The following DMRT1 variants were observed in gnomAD, a reference collection of about 807,000 sequenced individuals.
DMRT1 encodes the protein doublesex and mab-3 related transcription factor 1.
Under a neutral mutation model 32.3 loss-of-function variants are expected in DMRT1, and 7 were observed. The ratio of observed to expected loss-of-function variants is 0.22; its 90% confidence interval spans 0.12 to 0.41. The LOEUF (loss-of-function observed/expected upper bound fraction) is 0.41, where lower values mean the gene tolerates loss of function less well. Ranked by LOEUF, DMRT1 falls within the 10% of genes least tolerant of loss-of-function variation. The pLI is 1.00. For synonymous variants in DMRT1, 278 were observed against 206.1 expected (o/e 1.35, Z -2.99); for missense variants, 625 against 500.5 (o/e 1.25, Z -2.37).
intron 2 of DMRT1, among the ~76,000 whole-genome samples, chr9:850,114 C>G (rs4740933): frequency 0.21 from 32,250 of 152,128 alleles, 3,711 homozygotes; most frequent in Middle Eastern, 0.31. Context: ...CCACCACGCC[C>G]AGCTGACAAT....
chr9:911,469 CATTTTTTTTTTTTTT>C (rs1817978733), intron 3 of DMRT1, among the ~76,000 whole-genome samples: 1 of 68,960 alleles, frequency 1.5e-5, no homozygotes, highest in African/African-American at 4.5e-5. Flanking sequence ...GGGTTAATTG[CATTTTTTTTTTTTTT>C]TTTTTTTTTT....
At chr9:959,888 T>G (rs893700167) in intron 4 of DMRT1, among the ~76,000 whole-genome samples, 1 of 152,230 alleles carries the variant, frequency 6.6e-6, no homozygotes, top group African/African-American at 2.4e-5. Context: ...TAGTCCTGTT[T>G]TATGGTTGCA....
chr9:890,975 C>G (rs965969044), intron 2 of DMRT1, among the ~76,000 whole-genome samples: 2 of 151,366 alleles, frequency 1.3e-5, no homozygotes, highest in African/African-American at 4.9e-5. Context: ...AATGATCAGA[C>G]CTACCTCAGC....
In DMRT1 at chr9:894,126, C is replaced by T. The variant is rs1564230356; in HGVS notation, c.753C>T (p.Ser251=). ...AGGTGGGAAATCCCCTCGGGGGATC[C>T]CCTGTGAAGAACAGCCTTCGGGGCC... ...SGEVGNPLGG[S]PVKNSLRGLP... is the part of the protein sequence containing the mutation. Residue 251 remains serine, a synonymous_variant, in exon 3 of 5, where the codon TCC becomes TCT. Transcript: ENST00000382276. The T allele has an allele frequency of 5.0e-6, 8 of 1,614,236 alleles. No individual in the cohort carries two copies. In the Admixed American group the frequency reaches 6.7e-5, roughly 13 times the overall value.
At chr9:921,803 C>T (rs1047394678) in intron 4 of DMRT1, among the ~76,000 whole-genome samples, 1 of 152,162 alleles carries the variant, frequency 6.6e-6, no homozygotes, top group Non-Finnish European at 1.5e-5. Flanking sequence ...ACCACTAGAG[C>T]CCAGGCTGCA....
chr9:966,070 T>C (rs1227879181), intron 4 of DMRT1, among the ~76,000 whole-genome samples: 1 of 152,200 alleles, frequency 6.6e-6, no homozygotes, highest in African/African-American at 2.4e-5. Flanking sequence ...GCTCTCCAGA[T>C]CTGTATAGTA....
chr9:883,296 C>G (rs1314744128), intron 2 of DMRT1, among the ~76,000 whole-genome samples: 1 of 151,878 alleles, frequency 6.6e-6, no homozygotes, highest in Non-Finnish European at 1.5e-5. Flanking sequence ...AAAATCTCTT[C>G]CTGGGAGAAA....
At chr9:952,974 C>G (rs1348293329) in intron 4 of DMRT1, among the ~76,000 whole-genome samples, 1 of 152,030 alleles carries the variant, frequency 6.6e-6, no homozygotes, top group Non-Finnish European at 1.5e-5. Flanking sequence ...ATTCTCATAG[C>G]CTATAGACTT....
At chr9:878,200 G>GA (rs149257815) in intron 2 of DMRT1, among the ~76,000 whole-genome samples, 2 of 94,034 alleles carry the variant, frequency 2.1e-5, no homozygotes, top group South Asian at 4.4e-4. Context: ...TGCAGCTGCT[G>GA]CCCCCCCCCC....
At chr9:943,622 A>G (rs1212863479) in intron 4 of DMRT1, among the ~76,000 whole-genome samples, 1 of 152,224 alleles carries the variant, frequency 6.6e-6, no homozygotes, top group Non-Finnish European at 1.5e-5. Flanking sequence ...TCTGAAGGTC[A>G]TGGGGATGGT....
chr9:844,773 T>G (rs1285158771), intron 1 of DMRT1, among the ~76,000 whole-genome samples: 2 of 150,074 alleles, frequency 1.3e-5, no homozygotes, highest in African/African-American at 4.9e-5. Flanking sequence ...CAGGCTGTAG[T>G]GCAGTGGCAT....
chr9:891,962 G>A (rs1279692930), intron 2 of DMRT1, among the ~76,000 whole-genome samples: 1 of 152,228 alleles, frequency 6.6e-6, no homozygotes, highest in Non-Finnish European at 1.5e-5. Flanking sequence ...TGTGCCCGGA[G>A]GCTGGGTGCC....
chr9:849,901 G>A (rs1839067570), intron 2 of DMRT1, among the ~76,000 whole-genome samples: 1 of 151,960 alleles, frequency 6.6e-6, no homozygotes, highest in African/African-American at 2.4e-5. Flanking sequence ...TTGGCTCACC[G>A]CAACCTCTGC....
chr9:942,121 A>C (rs902733382), intron 4 of DMRT1, among the ~76,000 whole-genome samples: 1 of 152,176 alleles, frequency 6.6e-6, no homozygotes, highest in Non-Finnish European at 1.5e-5. Context: ...ATTTGAATAA[A>C]ATTGCCCATG....
At chr9:900,316 T>C (rs962376536) in intron 3 of DMRT1, among the ~76,000 whole-genome samples, 4 of 152,186 alleles carry the variant, frequency 2.6e-5, no homozygotes, top group African/African-American at 9.7e-5. Context: ...GCCAGTACCT[T>C]TTCACTGCTT....
chr9:861,299 T>C (rs1222642779), intron 2 of DMRT1, among the ~76,000 whole-genome samples: 1 of 152,110 alleles, frequency 6.6e-6, no homozygotes. Flanking sequence ...CAAGTATCTG[T>C]TTAACAAAGC....
At chr9:869,681 G>T (rs906798286) in intron 2 of DMRT1, among the ~76,000 whole-genome samples, 3 of 152,208 alleles carry the variant, frequency 2.0e-5, no homozygotes, top group Admixed American at 2.0e-4. Flanking sequence ...TTAATCTGCA[G>T]TGACTTTGTT....
At chr9:910,659 A>G (rs1447971833) in intron 3 of DMRT1, among the ~76,000 whole-genome samples, 1 of 152,140 alleles carries the variant, frequency 6.6e-6, no homozygotes, top group African/African-American at 2.4e-5. Context: ...ATTCTTAACA[A>G]TTTAATAGAA....
rs150448280 is a variant in DMRT1 at position 855,962 on chromosome 9, G to A, written c.538+8819G>A. 1.8e-3 allele frequency among the ~76,000 whole-genome samples: 277 copies of A among 151,934 alleles called. 1 individual carries two copies. The highest frequency in any genetic ancestry group is 6.4e-3 in the African/African-American group (265 of 41,436). ...GATGAAGTCTTGCTCTGTCACCCAG[G>A]CTGGAGTGCAATGGCATGATCTCGG... On this transcript the variant is annotated intron_variant, in intron 2 of 4. Coordinates refer to ENST00000382276, the MANE Select transcript of DMRT1 (RefSeq NM_021951.3).
Sources: gnomAD v4.1 joint callset for allele counts (sites outside exome capture counted in the v4.1 genomes callset) on GRCh38, gnomAD v4.1.1 for gene constraint, MANE v1.5 for transcripts, NCBI Gene and HGNC (gene_info 2026-07-23, HGNC 2026-07-21) for gene names.